Variants in LRMDA observed in about 807,000 individuals in gnomAD.
The protein encoded by LRMDA is leucine-rich melanocyte differentiation-associated protein.
LRMDA carries 18 observed loss-of-function variants against 29.8 expected under a neutral mutation model. That is an observed-to-expected ratio of 0.60 (90% CI 0.42 to 0.90). The LOEUF (loss-of-function observed/expected upper bound fraction) is 0.90, where lower values mean the gene tolerates loss of function less well. Among genes scored for constraint, LRMDA ranks in the 40% least tolerant of loss-of-function variants. The pLI is 0.00. For missense variants in LRMDA, 273 were observed against 273.9 expected (o/e 1.00, Z 0.02); for synonymous variants, 125 against 109.4 (o/e 1.14, Z -0.89).
At chr10:75,734,350 T>G (rs1242634354) in intron 2 of LRMDA, among the ~76,000 whole-genome samples, 3 of 152,126 alleles carry the variant, frequency 2.0e-5, no homozygotes, top group Non-Finnish European at 4.4e-5. Context: ...GAAGCAGAGT[T>G]GTCAACCCCT....
chr10:75,975,479 A>G (rs1167814746), intron 2 of LRMDA, among the ~76,000 whole-genome samples: 1 of 152,138 alleles, frequency 6.6e-6, no homozygotes, highest in Non-Finnish European at 1.5e-5. Flanking sequence ...TTTGGGGTGG[A>G]CCATTCTGGG....
intron 2 of LRMDA, among the ~76,000 whole-genome samples, chr10:75,783,305 G>A (rs926813089): frequency 6.6e-6 from 1 of 152,132 alleles, no homozygotes; most frequent in Non-Finnish European, 1.5e-5. Flanking sequence ...GGCATGCATT[G>A]TTCTAACAAG....
chr10:75,919,281 A>G (rs914275153), intron 2 of LRMDA, among the ~76,000 whole-genome samples: 34 of 152,184 alleles, frequency 2.2e-4, no homozygotes, highest in African/African-American at 8.2e-4. Context: ...TGTTTAGTCT[A>G]GGGGTTGACT....
At chr10:75,529,778 A>G (rs1349106435) in intron 2 of LRMDA, among the ~76,000 whole-genome samples, 4 of 152,250 alleles carry the variant, frequency 2.6e-5, no homozygotes, top group African/African-American at 9.6e-5. Flanking sequence ...TTACACAATT[A>G]TAGCATGAGG....
chr10:76,153,569 G>C (rs1850485792), intron 5 of LRMDA, among the ~76,000 whole-genome samples: 1 of 152,172 alleles, frequency 6.6e-6, no homozygotes, highest in Non-Finnish European at 1.5e-5. Flanking sequence ...ATGTTGAAGA[G>C]ACTGGAGAGT....
At chr10:76,201,914 C>T (rs1030779825) in intron 5 of LRMDA, among the ~76,000 whole-genome samples, 4 of 152,110 alleles carry the variant, frequency 2.6e-5, no homozygotes, top group Admixed American at 6.6e-5. Context: ...GCAATCAGAG[C>T]GGTCCTGGCT....
At chr10:76,148,592 C>T (rs1850377692) in intron 5 of LRMDA, among the ~76,000 whole-genome samples, 1 of 152,160 alleles carries the variant, frequency 6.6e-6, no homozygotes, top group African/African-American at 2.4e-5. Flanking sequence ...CCATCTGTCA[C>T]CCCTTTCTTT....
At chr10:75,826,022 T>C (rs1238992398) in intron 2 of LRMDA, among the ~76,000 whole-genome samples, 3 of 152,154 alleles carry the variant, frequency 2.0e-5, no homozygotes, top group African/African-American at 2.4e-5. Context: ...TTTCCTATCA[T>C]CTAGCAGAAT....
intron 2 of LRMDA, among the ~76,000 whole-genome samples, chr10:76,005,843 T>C (rs1847642369): frequency 6.7e-6 from 1 of 149,136 alleles, no homozygotes. Flanking sequence ...GGCAGGAGAA[T>C]GGCGTGAACC....
chr10:76,216,757 A>T (rs893803909), intron 5 of LRMDA, among the ~76,000 whole-genome samples: 1 of 152,240 alleles, frequency 6.6e-6, no homozygotes, highest in Non-Finnish European at 1.5e-5. Context: ...GTTGAACATT[A>T]ATGTAGCTCA....
intron 2 of LRMDA, among the ~76,000 whole-genome samples, chr10:75,937,488 C>T (rs1846316686): frequency 6.6e-6 from 1 of 152,166 alleles, no homozygotes; most frequent in Non-Finnish European, 1.5e-5. Context: ...ATTGTTTGAG[C>T]ATGTGAAAGT....
chr10:75,885,601 G>A (rs1367860121), intron 2 of LRMDA, among the ~76,000 whole-genome samples: 1 of 152,220 alleles, frequency 6.6e-6, no homozygotes, highest in Non-Finnish European at 1.5e-5. Context: ...TCACCCACCT[G>A]AAAGATCACG....
intron 2 of LRMDA, among the ~76,000 whole-genome samples, chr10:75,951,971 G>A (rs1846583023): frequency 6.6e-6 from 1 of 152,140 alleles, no homozygotes; most frequent in African/African-American, 2.4e-5. Context: ...CTGAAAGGAG[G>A]GCCTTTTAAT....
intron 2 of LRMDA, among the ~76,000 whole-genome samples, chr10:75,492,292 A>G (rs1201850389): frequency 6.6e-6 from 1 of 152,200 alleles, no homozygotes; most frequent in Admixed American, 6.5e-5. Flanking sequence ...TGAGCCTGCA[A>G]CAGAAAGAAT....
chr10:76,305,004 T>G (rs1840534149), intron 5 of LRMDA, among the ~76,000 whole-genome samples: 1 of 152,136 alleles, frequency 6.6e-6, no homozygotes, highest in African/African-American at 2.4e-5. Context: ...AATCACTACG[T>G]TTTTAAGCAG....
chr10:75,643,098 A>T (rs1841474613), intron 2 of LRMDA: 1 of 150,150 alleles, frequency 6.7e-6, no homozygotes, highest in Non-Finnish European at 1.5e-5. Flanking sequence ...TTAAAACATT[A>T]AAAAAAAATT....
At chr10:76,481,145 C>G (rs1842729612) in intron 6 of LRMDA, among the ~76,000 whole-genome samples, 1 of 151,834 alleles carries the variant, frequency 6.6e-6, no homozygotes, top group Admixed American at 6.6e-5. Flanking sequence ...CTCCTGCTTT[C>G]TACAATTCTA....
At chr10:75,761,857 GC>G (rs1439876977) in intron 2 of LRMDA, among the ~76,000 whole-genome samples, 1 of 141,326 alleles carries the variant, frequency 7.1e-6, no homozygotes, top group East Asian at 2.2e-4. Flanking sequence ...AGGCTGGAAT[GC>G]AGTGGTATCT....
At chr10:75,741,839 C>T (rs1842833318) in intron 2 of LRMDA, among the ~76,000 whole-genome samples, 1 of 152,098 alleles carries the variant, frequency 6.6e-6, no homozygotes, top group African/African-American at 2.4e-5. Context: ...AACTCCTAAG[C>T]CCCAGTGTGA....
Sources: allele counts gnomAD v4.1 joint callset (sites outside exome capture counted in the v4.1 genomes callset), GRCh38; gene constraint gnomAD v4.1.1; transcripts MANE v1.5; gene names NCBI Gene and HGNC (gene_info 2026-07-23, HGNC 2026-07-21).